Variants in UNC79 observed in about 807,000 individuals in gnomAD.
UNC79 encodes the protein protein unc-79 homolog.
A neutral mutation model predicts 283.1 loss-of-function variants in UNC79; 37 were observed. That is an observed-to-expected ratio of 0.13 (90% confidence interval 0.10 to 0.17). UNC79 has a LOEUF of 0.17. Ranked by LOEUF, UNC79 falls within the 10% of genes least tolerant of loss-of-function variation. UNC79 has a pLI of 1.00. For missense variants in UNC79, 2,272 were observed against 3,211.1 expected (o/e 0.71, Z 7.07); for synonymous variants, 1,107 against 1,200.2 (o/e 0.92, Z 1.61).
At chr14:93,500,326 A>T (rs191124612) in intron 7 of UNC79, among the ~76,000 whole-genome samples, 5 of 152,310 alleles carry the variant, frequency 3.3e-5, no homozygotes, top group Admixed American at 2.6e-4. Flanking sequence ...TGATATGGTC[A>T]TGCTTCCATT....
intron 46 of UNC79, among the ~76,000 whole-genome samples, chr14:93,692,573 A>G (rs2074780001): frequency 6.6e-6 from 1 of 152,212 alleles, no homozygotes; most frequent in Non-Finnish European, 1.5e-5. Flanking sequence ...TAGACTGACT[A>G]CAGGTGTTCA....
intron 3 of UNC79, among the ~76,000 whole-genome samples, chr14:93,475,780 G>T (rs2057766307): frequency 6.6e-6 from 1 of 152,296 alleles, no homozygotes; most frequent in East Asian, 1.9e-4. Flanking sequence ...TTAAGATAAA[G>T]ACATTAAATT....
intron 7 of UNC79, among the ~76,000 whole-genome samples, chr14:93,503,947 A>G (rs955275674): frequency 3.9e-5 from 6 of 151,914 alleles, no homozygotes; most frequent in African/African-American, 1.4e-4. Flanking sequence ...ATTTTTCTAT[A>G]TGGTATGAGG....
At chr14:93,365,050 T>C (rs906155283) in intron 1 of UNC79, among the ~76,000 whole-genome samples, 2 of 151,784 alleles carry the variant, frequency 1.3e-5, no homozygotes, top group Non-Finnish European at 2.9e-5. Flanking sequence ...TTGGGCAACA[T>C]AGGGAGACCC....
chr14:93,388,333 G>A (rs957767014), intron 1 of UNC79, among the ~76,000 whole-genome samples: 22 of 152,188 alleles, frequency 1.4e-4, no homozygotes, highest in African/African-American at 5.3e-4. Flanking sequence ...TCATTATTTT[G>A]ATGGACATGC....
At chr14:93,667,731 A>C (rs2072374999) in intron 40 of UNC79, among the ~76,000 whole-genome samples, 1 of 152,212 alleles carries the variant, frequency 6.6e-6, no homozygotes, top group Admixed American at 6.5e-5. Context: ...ACAATAGGGG[A>C]AAGGAAAATT....
chr14:93,602,891 A>G (rs1171698372), intron 25 of UNC79, among the ~76,000 whole-genome samples: 1 of 152,036 alleles, frequency 6.6e-6, no homozygotes, highest in East Asian at 1.9e-4. Flanking sequence ...TCCTCCCACC[A>G]TGGCCTCCCA....
intron 1 of UNC79, among the ~76,000 whole-genome samples, chr14:93,419,833 G>A (rs1241127959): frequency 6.6e-6 from 1 of 151,604 alleles, no homozygotes; most frequent in Non-Finnish European, 1.5e-5. Context: ...GGAGGCCAAG[G>A]TAAGACGATT....
intron 1 of UNC79, among the ~76,000 whole-genome samples, chr14:93,373,645 G>C (rs1233560530): frequency 6.6e-6 from 1 of 152,178 alleles, no homozygotes; most frequent in Non-Finnish European, 1.5e-5. Flanking sequence ...ACCAAGCCCA[G>C]ATGTCTTCAC....
intron 46 of UNC79, among the ~76,000 whole-genome samples, chr14:93,693,298 T>C (rs1475664333): frequency 1.3e-5 from 2 of 152,344 alleles, no homozygotes; most frequent in East Asian, 3.9e-4. Context: ...TTCTATTCTG[T>C]TATTTCACAG....
intron 19 of UNC79, among the ~76,000 whole-genome samples, chr14:93,581,315 C>T (rs1229133688): frequency 3.4e-5 from 5 of 149,182 alleles, no homozygotes; most frequent in African/African-American, 9.9e-5. Flanking sequence ...TAACTGGACA[C>T]AGGCATGCCA....
At chr14:93,338,338 T>C (rs2053626106) in intron 1 of UNC79, among the ~76,000 whole-genome samples, 1 of 152,072 alleles carries the variant, frequency 6.6e-6, no homozygotes, top group African/African-American at 2.4e-5. Context: ...TGCTCTCCCT[T>C]TGCCTTCCAC....
intron 1 of UNC79, among the ~76,000 whole-genome samples, chr14:93,363,118 C>G (rs2139946410): frequency 6.6e-6 from 1 of 152,232 alleles, no homozygotes; most frequent in South Asian, 2.1e-4. Flanking sequence ...AAACTTTCTT[C>G]TTAACACTGC....
chr14:93,555,113 C>G (rs1768575712), intron 14 of UNC79, among the ~76,000 whole-genome samples: 1 of 152,190 alleles, frequency 6.6e-6, no homozygotes, highest in African/African-American at 2.4e-5. Flanking sequence ...CTAATTTAGA[C>G]TGAATGCCTA....
At chr14:93,551,031 ATTATTTAT>A (rs200451234) in intron 14 of UNC79, among the ~76,000 whole-genome samples, 12 of 151,588 alleles carry the variant, frequency 7.9e-5, no homozygotes, top group African/African-American at 2.9e-4. Context: ...TTTTTATTTT[ATTATTTAT>A]TTATTTATTT....
At chr14:93,440,723 G>A (rs2056270355) in intron 1 of UNC79, among the ~76,000 whole-genome samples, 1 of 151,996 alleles carries the variant, frequency 6.6e-6, no homozygotes, top group Admixed American at 6.6e-5. Context: ...AAATTTCCAT[G>A]TGGAAGGGCA....
At chr14:93,468,101 G>T (rs1426542362) in intron 2 of UNC79, among the ~76,000 whole-genome samples, 1 of 152,038 alleles carries the variant, frequency 6.6e-6, no homozygotes, top group Non-Finnish European at 1.5e-5. Flanking sequence ...GCCTACAATT[G>T]CTTAAAATTA....
intron 32 of UNC79, among the ~76,000 whole-genome samples, chr14:93,637,923 G>A (rs889243635): frequency 6.6e-6 from 1 of 152,148 alleles, no homozygotes; most frequent in Non-Finnish European, 1.5e-5. Flanking sequence ...GAATATTGAG[G>A]TCATAGGCTA....
chr14:93,535,905 T>G (rs918181651), intron 11 of UNC79, among the ~76,000 whole-genome samples: 1 of 152,178 alleles, frequency 6.6e-6, no homozygotes, highest in South Asian at 2.1e-4. Flanking sequence ...AAACTATCCT[T>G]GACTTCTTGA....
Sources: allele counts gnomAD v4.1 joint callset (sites outside exome capture counted in the v4.1 genomes callset), GRCh38; gene constraint gnomAD v4.1.1; transcripts MANE v1.5; gene names NCBI Gene and HGNC (gene_info 2026-07-23, HGNC 2026-07-21).